The following PDE10A variants were observed in gnomAD, a reference collection of about 807,000 sequenced individuals.
PDE10A encodes phosphodiesterase 10A.
PDE10A carries 39 observed loss-of-function variants against 97.7 expected under a neutral mutation model. That is an observed-to-expected ratio of 0.40 (90% CI 0.31 to 0.52). The LOEUF is 0.52. Among genes scored for constraint, PDE10A ranks in the 20% least tolerant of loss-of-function variants. PDE10A has a pLI of 0.56. For synonymous variants in PDE10A, 371 were observed against 376.8 expected (o/e 0.98, Z 0.18); for missense variants, 731 against 1,047.8 (o/e 0.70, Z 4.17).
At chr6:165,878,371 C>T (rs1378746449) in intron 1 of PDE10A, among the ~76,000 whole-genome samples, 2 of 152,154 alleles carry the variant, frequency 1.3e-5, no homozygotes, top group Non-Finnish European at 2.9e-5. Flanking sequence ...GAACTATCAT[C>T]AGGGATTATT....
At chr6:165,684,430 C>T (rs553018749) in intron 1 of PDE10A, among the ~76,000 whole-genome samples, 18 of 152,318 alleles carry the variant, frequency 1.2e-4, no homozygotes, top group African/African-American at 1.7e-4. Context: ...TCCAAAATAA[C>T]GCCTCAGGTC....
chr6:165,505,277 A>T (rs1781125888), intron 2 of PDE10A, among the ~76,000 whole-genome samples: 1 of 152,224 alleles, frequency 6.6e-6, no homozygotes. Flanking sequence ...AAATAATAAA[A>T]AACACATTGC....
intron 1 of PDE10A, among the ~76,000 whole-genome samples, chr6:165,593,410 C>T (rs1583607524): frequency 2.0e-5 from 3 of 151,978 alleles, no homozygotes; most frequent in Admixed American, 1.3e-4. Flanking sequence ...CAAACCTGCA[C>T]GTTCTGCACA....
rs1788476866 is a variant in PDE10A at position 165,418,541 on chromosome 6, T to C, written c.1796+94A>G. ...AATGATATCACAGTATGACAAGTAT[T>C]GTCAGCATACCTGTGAATAGGCACA... On this transcript the variant is annotated intron_variant, in intron 11 of 21. Coordinates refer to ENST00000539869, the MANE Select transcript of PDE10A (RefSeq NM_001385079.1). The surrounding 1 kb of genome is among the most constrained non-coding windows in gnomAD (Gnocchi z 4.8). 8.8e-6 allele frequency: 10 copies of C among 1,134,648 alleles called. No individual in the cohort carries two copies. Among genetic ancestry groups the C allele is most frequent in the Admixed American group, 2.0e-5 (1 of 51,020 alleles). The allele number at this position is 1,134,648 out of a possible 1,614,324, so 70.3% of individuals were successfully genotyped here. A position where few individuals can be genotyped will look rare whatever the true frequency, so the allele number is the denominator to read the frequency against.
chr6:165,414,170 G>T (rs1788132694), intron 12 of PDE10A, among the ~76,000 whole-genome samples: 1 of 152,194 alleles, frequency 6.6e-6, no homozygotes, highest in African/African-American at 2.4e-5. Flanking sequence ...GCCCTCTCCT[G>T]TTTATAAGTA....
chr6:165,771,956 T>C (rs1267741402), intron 1 of PDE10A, among the ~76,000 whole-genome samples: 1 of 152,196 alleles, frequency 6.6e-6, no homozygotes, highest in Non-Finnish European at 1.5e-5. Context: ...TGGGCGTTGG[T>C]CTTCCCTTGG....
intron 1 of PDE10A, among the ~76,000 whole-genome samples, chr6:165,910,656 C>A (rs999872591): frequency 6.6e-6 from 1 of 152,128 alleles, no homozygotes. Context: ...TCCATTTCCA[C>A]CCCACCCTCA....
At chr6:165,669,025 C>T (rs1460236781) in intron 1 of PDE10A, among the ~76,000 whole-genome samples, 1 of 152,242 alleles carries the variant, frequency 6.6e-6, no homozygotes, top group African/African-American at 2.4e-5. Flanking sequence ...TTCTCAAGGA[C>T]TGTAGGTTAC....
At chr6:165,941,258 C>T (rs1783508735) in intron 1 of PDE10A, among the ~76,000 whole-genome samples, 1 of 152,158 alleles carries the variant, frequency 6.6e-6, no homozygotes, top group African/African-American at 2.4e-5. Context: ...GATGGGAGTG[C>T]TTAGCAATTC....
chr6:165,530,543 G>A (rs975278616), intron 2 of PDE10A, among the ~76,000 whole-genome samples: 15 of 151,992 alleles, frequency 9.9e-5, no homozygotes, highest in African/African-American at 3.1e-4. Context: ...TCACTACCTG[G>A]GTGATGGGAT....
intron 2 of PDE10A, among the ~76,000 whole-genome samples, chr6:165,501,095 T>G (rs935973992): frequency 6.6e-6 from 1 of 152,144 alleles, no homozygotes. Flanking sequence ...CAGAGACCAT[T>G]GCCGGCTCGG....
chr6:165,469,539 G>A (rs1778864216), intron 3 of PDE10A, among the ~76,000 whole-genome samples: 1 of 152,188 alleles, frequency 6.6e-6, no homozygotes, highest in Non-Finnish European at 1.5e-5. Context: ...AAATTTGAAT[G>A]CCTGAAGAAG....
chr6:165,669,075 GCACA>G (rs201670170), intron 1 of PDE10A, among the ~76,000 whole-genome samples: 1 of 152,216 alleles, frequency 6.6e-6, no homozygotes, highest in Non-Finnish European at 1.5e-5. Flanking sequence ...CTGGTGGCTG[GCACA>G]CACACAGTCT....
intron 2 of PDE10A, among the ~76,000 whole-genome samples, chr6:165,489,158 A>G (rs1445257617): frequency 6.6e-6 from 1 of 152,234 alleles, no homozygotes; most frequent in Non-Finnish European, 1.5e-5. Context: ...CCAGTGCACT[A>G]AACAAAAACA....
At chr6:165,695,782 A>G (rs12523887) in intron 1 of PDE10A, among the ~76,000 whole-genome samples, 3,243 of 152,306 alleles carry the variant, frequency 0.021, 58 homozygotes, top group Non-Finnish European at 0.032. Context: ...TCGCTAGTGC[A>G]CAAGGGAGAA....
At chr6:165,389,435 A>G (rs1004926268) in intron 16 of PDE10A, among the ~76,000 whole-genome samples, 8 of 152,216 alleles carry the variant, frequency 5.3e-5, no homozygotes, top group Non-Finnish European at 1.5e-5. Flanking sequence ...GGCAGAACCA[A>G]CAGGATTTTT....
At chr6:165,986,651 A>T (rs1442728272) in intron 1 of PDE10A, 1 of 151,392 alleles carries the variant, frequency 6.6e-6, no homozygotes, top group African/African-American at 2.4e-5. Context: ...CAGAAAGGAG[A>T]GGCTCCTTGG....
chr6:165,707,296 C>T (rs777958925), intron 1 of PDE10A, among the ~76,000 whole-genome samples: 15 of 152,186 alleles, frequency 9.9e-5, no homozygotes, highest in Non-Finnish European at 2.2e-4. Flanking sequence ...CTCCTCTGCT[C>T]AGAACCACGG....
intron 1 of PDE10A, among the ~76,000 whole-genome samples, chr6:165,715,043 A>G (rs1349814844): frequency 1.3e-5 from 2 of 152,204 alleles, no homozygotes; most frequent in African/African-American, 4.8e-5. Flanking sequence ...CTGGGCAGGA[A>G]CCCACGGGCC....
Sources: allele counts gnomAD v4.1 joint callset (sites outside exome capture counted in the v4.1 genomes callset), GRCh38; gene constraint gnomAD v4.1.1; non-coding constraint Gnocchi (gnomAD v3.1); transcripts MANE v1.5; gene names NCBI Gene and HGNC (gene_info 2026-07-23, HGNC 2026-07-21).